SYNE2: variants seen among roughly 807,000 people sequenced by gnomAD.
SYNE2 encodes spectrin repeat containing nuclear envelope protein 2.
In SYNE2, 431 loss-of-function variants were observed where a neutral mutation model predicts 856.3. That is an observed-to-expected ratio of 0.50 (90% CI 0.47 to 0.55). The LOEUF (loss-of-function observed/expected upper bound fraction) is 0.55. Ranked by LOEUF, SYNE2 falls within the 20% of genes least tolerant of loss-of-function variation. The pLI is 0.00. For synonymous variants in SYNE2, 2,923 were observed against 2,872.3 expected, an observed-to-expected ratio of 1.02 and a Z score of -0.56; for missense variants, 8,129 against 8,023.2, an observed-to-expected ratio of 1.01 and a Z score of -0.50.
At chr14:64,082,378 C>G (rs1256274184) in intron 57 of SYNE2, among the ~76,000 whole-genome samples, 2 of 151,870 alleles carry the variant, frequency 1.3e-5, no homozygotes, top group African/African-American at 4.8e-5. Context: ...TACTTACATT[C>G]CAAAATTTGA....
chr14:64,224,440 C>A, intron 113 of SYNE2, 21 bp from the exon 114 acceptor site: 1 of 1,596,404 alleles, frequency 6.3e-7, no homozygotes, highest in Non-Finnish European at 8.6e-7. Context: ...CTGTGCTCAA[C>A]CTTTGGGGTC....
intron 1 of SYNE2, among the ~76,000 whole-genome samples, chr14:63,819,979 A>G (rs1202542922): frequency 6.6e-6 from 1 of 152,188 alleles, no homozygotes; most frequent in Non-Finnish European, 1.5e-5. Flanking sequence ...CATATCTAGT[A>G]AAATGCTACA....
At chr14:64,097,139 GC>G (rs1470061811) in intron 61 of SYNE2, among the ~76,000 whole-genome samples, 6 of 152,114 alleles carry the variant, frequency 3.9e-5, no homozygotes, top group Non-Finnish European at 7.3e-5. Context: ...CTGCATATCT[GC>G]CATGAATAAG....
At chr14:63,896,912 A>G (rs1344148003) in intron 1 of SYNE2, among the ~76,000 whole-genome samples, 1 of 152,046 alleles carries the variant, frequency 6.6e-6, no homozygotes, top group Non-Finnish European at 1.5e-5. Context: ...CTGCCTTAGC[A>G]TGTTTTTGTT....
intron 66 of SYNE2, among the ~76,000 whole-genome samples, chr14:64,116,305 AAT>A (rs1357060755): frequency 1.3e-5 from 2 of 152,244 alleles, no homozygotes; most frequent in African/African-American, 4.8e-5. Context: ...ACATTAAAAA[AAT>A]ATCATTCTGG....
At chr14:63,857,065 C>T (rs931775257) in intron 1 of SYNE2, among the ~76,000 whole-genome samples, 8 of 152,168 alleles carry the variant, frequency 5.3e-5, no homozygotes, top group Admixed American at 1.3e-4. Flanking sequence ...CTGCCCTTGG[C>T]CTCGTGTTTA....
chr14:64,117,068 A>G (rs1030279458), intron 66 of SYNE2, among the ~76,000 whole-genome samples: 1 of 151,972 alleles, frequency 6.6e-6, no homozygotes, highest in African/African-American at 2.4e-5. Context: ...GTGTTACAAG[A>G]CCCCCAATGG....
intron 1 of SYNE2, among the ~76,000 whole-genome samples, chr14:63,828,406 G>A (rs1889543409): frequency 6.6e-6 from 1 of 152,134 alleles, no homozygotes; most frequent in South Asian, 2.1e-4. Flanking sequence ...TTGGGAGGCT[G>A]AGGCGGGTGG....
intron 99 of SYNE2, among the ~76,000 whole-genome samples, chr14:64,199,615 G>A (rs1276025463): frequency 1.3e-5 from 2 of 150,904 alleles, no homozygotes; most frequent in East Asian, 2.0e-4. Flanking sequence ...CTACTCAGGA[G>A]TCTGAGGCAG....
At chr14:64,135,252 A>G (rs952249443) in intron 78 of SYNE2, among the ~76,000 whole-genome samples, 7 of 152,180 alleles carry the variant, frequency 4.6e-5, no homozygotes, top group Admixed American at 3.3e-4. Flanking sequence ...ATGAAATATC[A>G]ACTTTAAAAC....
At chr14:64,101,857 C>T (rs1376860708) in intron 63 of SYNE2, 75 bp from the exon 64 acceptor site, 4 of 1,063,626 alleles carry the variant, frequency 3.8e-6, no homozygotes, top group South Asian at 2.6e-5. Flanking sequence ...GTATAAAAGA[C>T]GTGAGTGAGT....
intron 97 of SYNE2, 152 bp from the exon 98 acceptor site, chr14:64,188,398 C>A: frequency 1.3e-6 from 1 of 771,912 alleles, no homozygotes; most frequent in Non-Finnish European, 2.2e-6. Context: ...TCTGTTGATG[C>A]TAAACCCTAG....
chr14:63,790,343 G>T (rs1887690431), intron 1 of SYNE2, among the ~76,000 whole-genome samples: 1 of 150,144 alleles, frequency 6.7e-6, no homozygotes. Context: ...CTCAAAAAAA[G>T]AAAAAGGAAG....
intron 50 of SYNE2, among the ~76,000 whole-genome samples, chr14:64,064,094 A>G (rs1310749878): frequency 6.6e-6 from 1 of 152,200 alleles, no homozygotes; most frequent in African/African-American, 2.4e-5. Flanking sequence ...ATGAGACTAT[A>G]CAATGCCTGG....
At chr14:64,005,093 G>A (rs1567030019) in intron 30 of SYNE2, among the ~76,000 whole-genome samples, 1 of 152,182 alleles carries the variant, frequency 6.6e-6, no homozygotes, top group Non-Finnish European at 1.5e-5. Flanking sequence ...AGGTGAGAAG[G>A]TGCAGCAGTG....
chr14:64,100,888 A>T (rs1040005702), intron 63 of SYNE2, among the ~76,000 whole-genome samples: 5 of 151,604 alleles, frequency 3.3e-5, no homozygotes, highest in African/African-American at 1.2e-4. Flanking sequence ...TCCACATTAA[A>T]GGGAGATGAT....
intron 94 of SYNE2, among the ~76,000 whole-genome samples, chr14:64,174,430 G>T (rs778769664): frequency 4.6e-5 from 7 of 152,222 alleles, no homozygotes; most frequent in Non-Finnish European, 8.8e-5. Context: ...ATATTCGGAT[G>T]AAATTTTTTA....
At chr14:63,969,638 G>T (rs761446887) in intron 11 of SYNE2, among the ~76,000 whole-genome samples, 3 of 151,904 alleles carry the variant, frequency 2.0e-5, no homozygotes, top group African/African-American at 4.8e-5. Context: ...ACTGTGCCCG[G>T]CCCTTATTTT....
At chr14:63,938,259 C>T (rs1441737876) in intron 2 of SYNE2, among the ~76,000 whole-genome samples, 1 of 151,954 alleles carries the variant, frequency 6.6e-6, no homozygotes, top group Non-Finnish European at 1.5e-5. Flanking sequence ...AGTTTGAGAC[C>T]AGCCTGGGTA....
Sources: allele counts gnomAD v4.1 joint callset (sites outside exome capture counted in the v4.1 genomes callset), GRCh38; gene constraint gnomAD v4.1.1; transcripts MANE v1.5; gene names NCBI Gene and HGNC (gene_info 2026-07-23, HGNC 2026-07-21).